Variants in NOL4L observed in about 807,000 individuals in gnomAD.
NOL4L encodes the protein nucleolar protein 4-like.
NOL4L carries 7 observed loss-of-function variants against 64.5 expected under a neutral mutation model. The observed-to-expected ratio is 0.11, with a 90% confidence interval of 0.06 to 0.20. The LOEUF (loss-of-function observed/expected upper bound fraction) is 0.20, where lower values mean the gene tolerates loss of function less well. Ranked by LOEUF, NOL4L falls within the 10% of genes least tolerant of loss-of-function variation. NOL4L has a pLI of 1.00. For missense variants in NOL4L, 680 were observed against 967.1 expected, an observed-to-expected ratio of 0.70 and a Z score of 3.94; for synonymous variants, 413 against 401.0, an observed-to-expected ratio of 1.03 and a Z score of -0.36.
chr20:32,556,497 A>C (rs919637124), intron 1 of NOL4L, among the ~76,000 whole-genome samples: 8 of 152,020 alleles, frequency 5.3e-5, no homozygotes. Context: ...TAAGGGCTAC[A>C]CTCCAAATTT....
chr20:32,542,441 C>A (rs1296404574), intron 1 of NOL4L, among the ~76,000 whole-genome samples: 2 of 152,170 alleles, frequency 1.3e-5, no homozygotes, highest in Non-Finnish European at 2.9e-5. Flanking sequence ...GCAGCCTCGA[C>A]CTCCAAGGCT....
chr20:32,529,397 T>C (rs918545189), intron 1 of NOL4L, among the ~76,000 whole-genome samples: 1 of 151,940 alleles, frequency 6.6e-6, no homozygotes, highest in Non-Finnish European at 1.5e-5. Flanking sequence ...CCCTCGGAGG[T>C]TGTTAGGGTC....
At chr20:32,488,301 A>G (rs2016182422) in intron 4 of NOL4L, among the ~76,000 whole-genome samples, 1 of 152,044 alleles carries the variant, frequency 6.6e-6, no homozygotes, top group Non-Finnish European at 1.5e-5. Flanking sequence ...GATGACCCTC[A>G]CCGCCCAGTT....
At chr20:32,500,798 C>G (rs1369769786) in intron 4 of NOL4L, among the ~76,000 whole-genome samples, 1 of 151,956 alleles carries the variant, frequency 6.6e-6, no homozygotes, top group Non-Finnish European at 1.5e-5. Flanking sequence ...CAAAAGAGCA[C>G]AGGAAACAAC....
intron 1 of NOL4L, among the ~76,000 whole-genome samples, chr20:32,545,888 G>A (rs931898552): frequency 6.6e-6 from 1 of 152,082 alleles, no homozygotes. Context: ...TCCAGATTTT[G>A]GAGCTAGGAA....
chr20:32,456,497 G>C, intron 5 of NOL4L, 102 bp from the exon 6 acceptor site: 2 of 1,219,982 alleles, frequency 1.6e-6, no homozygotes, highest in Non-Finnish European at 2.1e-6. Context: ...AGTGTCCCTG[G>C]GTTGGGGTGA....
chr20:32,461,252 C>T (rs548711655), intron 5 of NOL4L, among the ~76,000 whole-genome samples: 73 of 152,292 alleles, frequency 4.8e-4, no homozygotes, highest in South Asian at 1.0e-3. Context: ...CCCACCCGCC[C>T]CAGCTGTGAC....
At chr20:32,518,548 G>A (rs1339255226) in intron 3 of NOL4L, among the ~76,000 whole-genome samples, 2 of 152,270 alleles carry the variant, frequency 1.3e-5, no homozygotes, top group Non-Finnish European at 2.9e-5. Context: ...CGTGGGATGT[G>A]TGGCAGGAGA....
intron 5 of NOL4L, among the ~76,000 whole-genome samples, chr20:32,466,758 T>C (rs1443985944): frequency 6.6e-6 from 1 of 151,874 alleles, no homozygotes; most frequent in East Asian, 1.9e-4. Flanking sequence ...AATGAGCAGG[T>C]GTTGGGGAGA....
intron 1 of NOL4L, among the ~76,000 whole-genome samples, chr20:32,556,062 G>A (rs984431928): frequency 6.6e-6 from 1 of 152,208 alleles, no homozygotes; most frequent in African/African-American, 2.4e-5. Context: ...CACAGACGGG[G>A]TCTGCCTTGG....
At position 32,494,341 on chromosome 20, in the gene NOL4L, G is replaced by A. The variant is rs144310739; in HGVS notation, c.699+17006C>T. 1.8e-3 allele frequency among the ~76,000 whole-genome samples: 265 copies of A among 143,646 alleles called. 7 individuals carry two copies. In the East Asian group the frequency reaches 0.051, roughly 28 times the overall value. 94.2% of individuals were successfully genotyped at this position (143,646 alleles called of 152,430 possible). A position where few individuals can be genotyped will look rare whatever the true frequency, so the allele number is the denominator to read the frequency against. On this transcript the variant is annotated intron_variant, in intron 4 of 10. Coordinates refer to ENST00000621426, the MANE Select transcript of NOL4L (RefSeq NM_001256798.2). Reference sequence around the variant, plus strand: ...TTAAGCTCTCTAAAGCCGAGCCTCAGTTTCCCTGTGTGCTGAGGAACTGAG... The same window carrying A: ...TTAAGCTCTCTAAAGCCGAGCCTCAATTTCCCTGTGTGCTGAGGAACTGAG...
Position 32,453,281 on chromosome 20 carries a change from T to G in NOL4L, c.1497+23A>C, listed in dbSNP as rs748112434. ...TCAGTAGTGGCACCGAGGGAAAGTGTGGGCCAGGCAGGGGGGACTCACCAT... is the reference window on the plus strand; with the variant it reads ...TCAGTAGTGGCACCGAGGGAAAGTGGGGGCCAGGCAGGGGGGACTCACCAT... On this transcript the variant is annotated intron_variant, in intron 8 of 10. Transcript: ENST00000621426. This position sits in a 1 kb window ranked among gnomAD's most constrained non-coding sequence, Gnocchi z 5.6. The G allele has an allele frequency of 3.1e-6, 5 of 1,606,494 alleles. No homozygotes were observed. The South Asian group carries it at 5.5e-5, about 18-fold the overall frequency.
intron 1 of NOL4L, among the ~76,000 whole-genome samples, chr20:32,544,037 G>A (rs1446438815): frequency 3.3e-5 from 5 of 152,112 alleles, no homozygotes; most frequent in Non-Finnish European, 5.9e-5. Flanking sequence ...TATGCTGAAC[G>A]TGCTGGAGGG....
chr20:32,495,292 TGGGGCTG>T (rs1379644964), intron 4 of NOL4L, among the ~76,000 whole-genome samples: 1 of 152,236 alleles, frequency 6.6e-6, no homozygotes, highest in African/African-American at 2.4e-5. Flanking sequence ...AGAATGACCA[TGGGGCTG>T]GCAGGGCATG....
chr20:32,580,010 G>C (rs906700524), intron 1 of NOL4L, among the ~76,000 whole-genome samples: 4 of 152,196 alleles, frequency 2.6e-5, no homozygotes, highest in African/African-American at 9.6e-5. Flanking sequence ...CTCTTGACCA[G>C]AGGGATGCTT....
At chr20:32,456,450 G>A in intron 5 of NOL4L, 55 bp from the exon 6 acceptor site, 1 of 1,410,254 alleles carries the variant, frequency 7.1e-7, no homozygotes, top group Non-Finnish European at 9.3e-7. Flanking sequence ...GGCCACTGCA[G>A]CCACCTCGGA....
chr20:32,574,351 C>G (rs922189975), intron 1 of NOL4L, among the ~76,000 whole-genome samples: 2 of 152,194 alleles, frequency 1.3e-5, no homozygotes, highest in Admixed American at 6.5e-5. Context: ...ATCATCACAC[C>G]CATTTTACAG....
At chr20:32,556,103 C>T (rs182701376) in intron 1 of NOL4L, among the ~76,000 whole-genome samples, 2 of 152,170 alleles carry the variant, frequency 1.3e-5, no homozygotes, top group Admixed American at 6.5e-5. Context: ...CATAGTAGGC[C>T]CCCCCTAAAT....
intron 4 of NOL4L, among the ~76,000 whole-genome samples, chr20:32,508,650 C>T (rs2017240086): frequency 6.8e-6 from 1 of 147,534 alleles, no homozygotes; most frequent in South Asian, 2.1e-4. Context: ...ACTAATGAAG[C>T]TGAGGAAGTC....
Sources: allele counts gnomAD v4.1 joint callset (sites outside exome capture counted in the v4.1 genomes callset), GRCh38; gene constraint gnomAD v4.1.1; non-coding constraint Gnocchi (gnomAD v3.1); transcripts MANE v1.5; gene names NCBI Gene and HGNC (gene_info 2026-07-23, HGNC 2026-07-21).